NOTUM: variants seen among roughly 807,000 people sequenced by gnomAD.
The protein encoded by NOTUM is palmitoleoyl-protein carboxylesterase NOTUM.
NOTUM carries 36 observed loss-of-function variants against 65.5 expected under a neutral mutation model. The observed-to-expected ratio is 0.55, with a 90% CI of 0.42 to 0.73. The LOEUF (loss-of-function observed/expected upper bound fraction) is 0.73. Ranked by LOEUF, NOTUM falls within the 30% of genes least tolerant of loss-of-function variation. The pLI, the probability that NOTUM is intolerant of heterozygous loss-of-function variation, is 0.00. For synonymous variants in NOTUM, 356 were observed against 297.9 expected (o/e 1.20, Z -2.01); for missense variants, 659 against 694.2 (o/e 0.95, Z 0.57).
chr17:81,953,279 A>G lies in NOTUM; in HGVS notation c.1185-12T>C, dbSNP rs1340281876. On this transcript the variant is annotated splice_polypyrimidine_tract_variant and intron_variant, in intron 10 of 10. Transcript: ENST00000409678. Reference sequence around the variant, plus strand: ...CATCCGTCCAGTGGCTGCAGAGGAAAACCGGGGGAGGGGGTCACATGTGCG... The same window carrying G: ...CATCCGTCCAGTGGCTGCAGAGGAAGACCGGGGGAGGGGGTCACATGTGCG... 3 of 1,563,014 alleles carry G rather than the reference A, an allele frequency of 1.9e-6. No homozygotes were observed. The highest frequency in any genetic ancestry group is 2.6e-6 in the Non-Finnish European group (3 of 1,151,476).
intron 5 of NOTUM, among the ~76,000 whole-genome samples, 188 bp from the exon 6 acceptor site, chr17:81,958,096 A>C (rs1376643798): frequency 4.6e-5 from 7 of 152,282 alleles, no homozygotes; most frequent in Non-Finnish European, 8.8e-5. Context: ...CCTCCTCCCC[A>C]GGGAATATTC....
chr17:81,958,813 G>T, intron 4 of NOTUM, 122 bp downstream of exon 4: 1 of 736,544 alleles, frequency 1.4e-6, no homozygotes. Context: ...CTCCCCAAAA[G>T]AACCATCCAG....
Position 81,953,051 on chromosome 17 carries a change from G to A in NOTUM, c.1401C>T (p.Leu467=). ...TGQEMNVAQF[L]MHMGFDMQTV... ...TCTGCATGTCGAAGCCCATGTGCAT[G>A]AGGAACTGGGCCACGTTCATCTCTT... The change falls in exon 11 of 11, where the codon CTC becomes CTT. Residue 467 remains leucine (L), a synonymous_variant. Transcript: ENST00000409678. 3.1e-6 allele frequency: 5 copies of A among 1,613,888 alleles called. No individual in the cohort carries two copies. The South Asian group carries it at 5.5e-5, about 18-fold the overall frequency.
intron 4 of NOTUM, 59 bp downstream of exon 4, chr17:81,958,876 C>T: frequency 7.7e-7 from 1 of 1,306,696 alleles, no homozygotes. Context: ...AAGGAAGGAC[C>T]CCCCGGGAAG....
rs1247396521 is a variant in NOTUM at position 81,955,401 on chromosome 17, C to T, written c.1132G>A (p.Val378Met). The T allele has an allele frequency of 6.3e-6, 10 of 1,578,244 alleles. No individual in the cohort carries two copies. The highest frequency in any genetic ancestry group is 2.3e-5 in the East Asian group (1 of 42,908). The change falls in exon 9 of 11, where the codon GTG becomes ATG. Residue 378 changes from valine (V) to methionine (M), a missense_variant. Physicochemically the swap from Val to Met is conservative, Grantham distance 21. Coordinates refer to ENST00000409678, the MANE Select transcript of NOTUM (RefSeq NM_178493.6). ...TCCCGGGGCCCACACACTCACGGCA[C>T]GTCCTTGAGTGTGTGGCGCAGCTCG... is the stretch of plus-strand genomic sequence containing the variant. ...GRELRHTLKD[V>M]PASFAPACLS... is the part of the protein sequence containing the mutation.
chr17:81,957,735 C>A, intron 6 of NOTUM, 71 bp downstream of exon 6: 1 of 1,099,568 alleles, frequency 9.1e-7, no homozygotes, highest in South Asian at 1.4e-5. Flanking sequence ...ACAACCCCAC[C>A]CCACACCCCT....
chr17:81,957,163 G>C (rs568695867), intron 6 of NOTUM, 89 bp from the exon 7 acceptor site: 32 of 1,064,924 alleles, frequency 3.0e-5, no homozygotes, highest in African/African-American at 1.3e-4. Context: ...GTGCCCCGAG[G>C]GGGGCAGGAG....
At chr17:81,956,845 A>G in intron 7 of NOTUM, 38 bp downstream of exon 7, 1 of 1,599,336 alleles carries the variant, frequency 6.3e-7, no homozygotes, top group Non-Finnish European at 8.5e-7. Flanking sequence ...TCTGGGGCAA[A>G]GCTGCAGCAC....
In NOTUM at chr17:81,956,618, G is replaced by A. The variant is rs188513827; in HGVS notation, c.988+32C>T. The A allele has an allele frequency of 2.1e-3, 3,034 of 1,458,380 alleles. 7 individuals are homozygous for A. Among genetic ancestry groups the A allele is most frequent in the Non-Finnish European group, 2.1e-3 (2,152 of 1,042,042 alleles). The allele number at this position is 1,458,380 out of a possible 1,614,324, so 90.3% of individuals were successfully genotyped here. ...GCAAGGAAGTGTGGCCACCCCTGCT[G>A]CCCTGTGTGCTCCGCTCTGCCGCCC... On this transcript the variant is annotated intron_variant, in intron 8 of 10. Coordinates refer to ENST00000409678, the MANE Select transcript of NOTUM (RefSeq NM_178493.6).
chr17:81,960,945 G>C lies in NOTUM; in HGVS notation c.-36C>G, dbSNP rs2041472091. ...ACCTGCGGGGAGCGGGCGGCCTTGA[G>C]GCGGCGGCGGCGGCGGCGGGGGATG... is the stretch of plus-strand genomic sequence containing the variant. On this transcript the variant is annotated 5_prime_UTR_variant, in exon 1 of 11. Coordinates refer to ENST00000409678, the MANE Select transcript of NOTUM (RefSeq NM_178493.6). The surrounding 1 kb of genome is among the most constrained non-coding windows in gnomAD (Gnocchi z 6.4). The C allele has an allele frequency of 9.4e-7, 1 of 1,068,858 alleles. No homozygotes were observed. Among genetic ancestry groups the C allele is most frequent in the Non-Finnish European group, 1.2e-6 (1 of 856,922 alleles). 66.2% of individuals were successfully genotyped at this position (1,068,858 alleles called of 1,614,324 possible).
rs2041439237 is a variant in NOTUM, at chr17:81,957,090, G to T, written c.696-16C>A. 1 of 1,586,776 alleles carries T rather than the reference G, an allele frequency of 6.3e-7. No homozygotes were observed. Among genetic ancestry groups the T allele is most frequent in the South Asian group, 1.1e-5 (1 of 90,034 alleles). On this transcript the variant is annotated splice_polypyrimidine_tract_variant and intron_variant, in intron 6 of 10. Transcript: ENST00000409678. ...GCCCCCCGCGCTGCAAGGAGGGCCA[G>T]ACGTGAGGCCAGGTGGCTGGGAAGA...
At position 81,953,167 on chromosome 17, in the gene NOTUM, G is replaced by A; in HGVS notation, c.1285C>T (p.Leu429Phe). ...ACCAGGTGGACGGGGCAGCCCTTGA[G>A]GGGGGTCTTGCTGGCCTTGTGGCTG... ...HDSHKASKTP[L>F]KGCPVHLVDS... Residue 429 changes from leucine to phenylalanine, a missense_variant, in exon 11 of 11, where the codon CTC (leucine) becomes TTC (phenylalanine). Physicochemically the swap from Leu to Phe is conservative, Grantham distance 22 (BLOSUM62 0). Transcript: ENST00000409678. 1.2e-6 allele frequency: 2 copies of A among 1,612,988 alleles called. No individual in the cohort carries two copies. Among genetic ancestry groups the A allele is most frequent in the Non-Finnish European group, 1.7e-6 (2 of 1,179,416 alleles).
At chr17:81,954,886 G>A (rs1256301238) in intron 9 of NOTUM, among the ~76,000 whole-genome samples, 1 of 151,934 alleles carries the variant, frequency 6.6e-6, no homozygotes, top group African/African-American at 2.4e-5. Flanking sequence ...CAAAGGGGTG[G>A]GATTATAGGC....
In NOTUM at chr17:81,960,529, TCCAGCCGGAGA is replaced by T; in HGVS notation, c.323+47_323+57del. ...GAACGGCCGCGGCCCGCAGGGAAGG[TCCAGCCGGAGA>T]CCGGGCGCGTCGGGCGGGGCGGGGA... On this transcript the variant is annotated intron_variant, in intron 1 of 10. Transcript: ENST00000409678. The surrounding 1 kb of genome is among the most constrained non-coding windows in gnomAD (Gnocchi z 6.4). 3 of 1,251,638 alleles carry T rather than the reference TCCAGCCGGAGA, an allele frequency of 2.4e-6. No individual in the cohort carries two copies. Among genetic ancestry groups the T allele is most frequent in the Non-Finnish European group, 1.1e-6 (1 of 931,152 alleles). The allele number at this position is 1,251,638 out of a possible 1,614,324, so 77.5% of individuals were successfully genotyped here. A position where few individuals can be genotyped will look rare whatever the true frequency, so the allele number is the denominator to read the frequency against.
rs555123190 is a variant in NOTUM, at chr17:81,958,252, C to T, written c.592+83G>A. The T allele has an allele frequency of 9.7e-6, 9 of 931,104 alleles. No individual in the cohort carries two copies. The South Asian group carries it at 1.2e-4, about 12-fold the overall frequency. The allele number at this position is 931,104 out of a possible 1,614,324, so 57.7% of individuals were successfully genotyped here. A position where few individuals can be genotyped will look rare whatever the true frequency, so the allele number is the denominator to read the frequency against. On this transcript the variant is annotated intron_variant, in intron 5 of 10. Transcript: ENST00000409678. ...GAACCCCTGCCGTCCCGCCTCATCC[C>T]TGCCCTGCCGTCCTGCCTCCTCCCT...
intron 3 of NOTUM, 162 bp from the exon 4 acceptor site, chr17:81,959,157 T>G: frequency 1.5e-6 from 1 of 659,216 alleles, no homozygotes; most frequent in Non-Finnish European, 2.7e-6. Flanking sequence ...GGAGGACAGT[T>G]GGGTTTAGTT....
chr17:81,953,734 GC>G (rs1392824554), intron 10 of NOTUM, among the ~76,000 whole-genome samples: 1 of 151,684 alleles, frequency 6.6e-6, no homozygotes, highest in Non-Finnish European at 1.5e-5. Flanking sequence ...CTCCTGAGTA[GC>G]TGGGATTACA....
chr17:81,960,957 G>GGCGGCGGGGGATGCC lies in NOTUM; in HGVS notation c.-63_-49dup, dbSNP rs911029026. 9.0e-6 allele frequency: 10 copies of GGCGGCGGGGGATGCC among 1,111,552 alleles called. No individual in the cohort carries two copies. Among genetic ancestry groups the GGCGGCGGGGGATGCC allele is most frequent in the African/African-American group, 1.6e-5 (1 of 60,832 alleles). The allele number at this position is 1,111,552 out of a possible 1,614,324, so 68.9% of individuals were successfully genotyped here. The stretch of plus-strand genomic sequence containing the variant: ...CGGGCGGCCTTGAGGCGGCGGCGGC[G>GGCGGCGGGGGATGCC]GCGGCGGGGGATGCCGGGCCGGGGG... On this transcript the variant is annotated 5_prime_UTR_variant, in exon 1 of 11. Transcript: ENST00000409678. The surrounding 1 kb of genome is among the most constrained non-coding windows in gnomAD (Gnocchi z 6.4).
At chr17:81,956,221 G>A (rs1236094077) in intron 8 of NOTUM, among the ~76,000 whole-genome samples, 1 of 152,196 alleles carries the variant, frequency 6.6e-6, no homozygotes, top group South Asian at 2.1e-4. Flanking sequence ...TGGTGATGAT[G>A]CCCTTGCATA....
Sources: gnomAD v4.1 joint callset for allele counts (sites outside exome capture counted in the v4.1 genomes callset) on GRCh38, gnomAD v4.1.1 for gene constraint, Gnocchi (gnomAD v3.1) non-coding constraint, MANE v1.5 for transcripts, NCBI Gene and HGNC (gene_info 2026-07-23, HGNC 2026-07-21) for gene names.